The following BLVRA variants were observed in gnomAD, a reference collection of about 807,000 sequenced individuals.
BLVRA encodes the protein biliverdin reductase A.
A neutral mutation model predicts 32.8 loss-of-function variants in BLVRA; 22 were observed. That is an observed-to-expected ratio of 0.67 (90% CI 0.48 to 0.96). BLVRA has a LOEUF of 0.96. BLVRA is among the 40% of genes least tolerant of loss of function. The pLI, the probability that BLVRA is intolerant of heterozygous loss-of-function variation, is 0.00. For missense variants in BLVRA, 323 were observed against 358.1 expected (o/e 0.90, Z 0.79); for synonymous variants, 119 against 141.3 (o/e 0.84, Z 1.12).
intron 2 of BLVRA, among the ~76,000 whole-genome samples, chr7:43,783,652 A>G (rs1223459731): frequency 1.3e-5 from 2 of 152,142 alleles, no homozygotes; most frequent in African/African-American, 4.8e-5. Context: ...AGGACACATT[A>G]TCTTACAGTT....
chr7:43,761,521 A>G (rs2095742261), intron 1 of BLVRA, among the ~76,000 whole-genome samples: 1 of 152,232 alleles, frequency 6.6e-6, no homozygotes, highest in East Asian at 1.9e-4. Flanking sequence ...TTGGTCAGTT[A>G]CATGGTTCTT....
chr7:43,776,636 G>A (rs1243979491), intron 2 of BLVRA, among the ~76,000 whole-genome samples: 1 of 152,188 alleles, frequency 6.6e-6, no homozygotes, highest in Admixed American at 6.5e-5. Context: ...GGGGTGGAGA[G>A]TTCTGTAGAT....
At chr7:43,805,835 G>A (rs1237382976) in intron 7 of BLVRA, among the ~76,000 whole-genome samples, 1 of 152,004 alleles carries the variant, frequency 6.6e-6, no homozygotes, top group Non-Finnish European at 1.5e-5. Flanking sequence ...GGGCTCAAGC[G>A]ATCCACCCAC....
At chr7:43,794,431 T>C (rs748232025) in intron 5 of BLVRA, among the ~76,000 whole-genome samples, 9 of 152,098 alleles carry the variant, frequency 5.9e-5, no homozygotes, top group Non-Finnish European at 1.3e-4. Context: ...AGTATTGTAA[T>C]GTTGACATAT....
chr7:43,783,394 C>T (rs781226536), intron 2 of BLVRA, among the ~76,000 whole-genome samples: 10 of 152,188 alleles, frequency 6.6e-5, no homozygotes, highest in Non-Finnish European at 1.2e-4. Flanking sequence ...GACTGTAGCA[C>T]ACAGTGCACA....
chr7:43,792,626 T>G, intron 4 of BLVRA, 89 bp from the exon 5 acceptor site: 1 of 1,292,038 alleles, frequency 7.7e-7, no homozygotes. Context: ...CTCTCATGCC[T>G]TTATAACATT....
chr7:43,800,582 A>G lies in BLVRA; in HGVS notation c.460+10A>G, dbSNP rs929047931. 6.2e-7 allele frequency: 1 copy of G among 1,611,046 alleles called. No individual in the cohort carries two copies. Among genetic ancestry groups the G allele is most frequent in the African/African-American group, 1.3e-5 (1 of 74,860 alleles). On this transcript the variant is annotated intron_variant, in intron 6 of 7. Transcript: ENST00000265523. ...TCGCTCCTCTTCACAGGTCAGTGCT[A>G]CGTGGGATCACAGGTCACATGTGAG...
chr7:43,759,626 C>T (rs2095740092), intron 1 of BLVRA, among the ~76,000 whole-genome samples: 1 of 152,174 alleles, frequency 6.6e-6, no homozygotes, highest in African/African-American at 2.4e-5. Flanking sequence ...ATAGGGTTTT[C>T]AGCATGGGAA....
At chr7:43,804,723 C>G (rs1164802256) in intron 7 of BLVRA, among the ~76,000 whole-genome samples, 2 of 152,182 alleles carry the variant, frequency 1.3e-5, no homozygotes, top group African/African-American at 4.8e-5. Flanking sequence ...TTTCTCATAC[C>G]AGGTCTTTTT....
chr7:43,781,109 C>T (rs182031873), intron 2 of BLVRA, among the ~76,000 whole-genome samples: 74 of 151,344 alleles, frequency 4.9e-4, no homozygotes, highest in African/African-American at 1.7e-3. Flanking sequence ...TGCCATTGCA[C>T]TCCAGCCTGG....
chr7:43,773,534 A>C (rs1215925620), intron 2 of BLVRA, among the ~76,000 whole-genome samples: 1 of 152,182 alleles, frequency 6.6e-6, no homozygotes. Flanking sequence ...AATCCAGTCT[A>C]TCATTGATGG....
chr7:43,776,890 T>C (rs2095761716), intron 2 of BLVRA, among the ~76,000 whole-genome samples: 2 of 152,256 alleles, frequency 1.3e-5, no homozygotes, highest in African/African-American at 4.8e-5. Context: ...CCTTTATCAT[T>C]ATGTAATGGC....
chr7:43,795,290 C>T (rs551351025), intron 5 of BLVRA, among the ~76,000 whole-genome samples: 8 of 151,698 alleles, frequency 5.3e-5, no homozygotes, highest in South Asian at 2.1e-4. Flanking sequence ...CTGAGGCGGG[C>T]GAATCACCTG....
rs2095754214 is a variant in BLVRA, at chr7:43,771,136, A to G, written c.-21-2A>G. 6.2e-7 allele frequency: 1 copy of G among 1,614,058 alleles called. No individual in the cohort carries two copies. The highest frequency in any genetic ancestry group is 8.5e-7 in the Non-Finnish European group (1 of 1,179,876). On this transcript the variant is annotated splice_acceptor_variant, in intron 1 of 7. Coordinates refer to ENST00000265523, the MANE Select transcript of BLVRA (RefSeq NM_000712.4). LOFTEE classifies it low-confidence loss of function (5UTR_SPLICE). ...CCTGAACCTCTGCTTTTGTCTTTACAGTGACCGAAGGAAGAGACCAAGATG... is the reference window on the plus strand; with the variant it reads ...CCTGAACCTCTGCTTTTGTCTTTACGGTGACCGAAGGAAGAGACCAAGATG...
At chr7:43,771,058 T>G in intron 1 of BLVRA, 80 bp from the exon 2 acceptor site, 1 of 1,192,626 alleles carries the variant, frequency 8.4e-7, no homozygotes, top group Non-Finnish European at 1.3e-6. Flanking sequence ...TGGGGGAGCA[T>G]GGGGTGGCAA....
chr7:43,765,580 T>C (rs959482491), intron 1 of BLVRA, among the ~76,000 whole-genome samples: 6 of 152,230 alleles, frequency 3.9e-5, no homozygotes, highest in African/African-American at 1.4e-4. Flanking sequence ...TTGGCTGCTC[T>C]TAGAAAGGCA....
chr7:43,803,599 C>T (rs964119215), intron 6 of BLVRA, 77 bp from the exon 7 acceptor site: 3 of 1,381,544 alleles, frequency 2.2e-6, no homozygotes, highest in Non-Finnish European at 3.0e-6. Flanking sequence ...ACACCCCCGC[C>T]ACCCCCACCC....
intron 1 of BLVRA, among the ~76,000 whole-genome samples, chr7:43,767,845 C>CA (rs34361520): frequency 0.39 from 57,247 of 147,746 alleles, 10,781 homozygotes; most frequent in South Asian, 0.53. Context: ...ATGTTAATTA[C>CA]AAAAAAAAAA....
chr7:43,800,155 C>T (rs1005759189), intron 5 of BLVRA, among the ~76,000 whole-genome samples: 1 of 152,080 alleles, frequency 6.6e-6, no homozygotes, highest in African/African-American at 2.4e-5. Context: ...GGGGTTTCAC[C>T]ATGTTGGCCA....
Sources: gnomAD v4.1 joint callset for allele counts (sites outside exome capture counted in the v4.1 genomes callset) on GRCh38, gnomAD v4.1.1 for gene constraint, MANE v1.5 for transcripts, NCBI Gene and HGNC (gene_info 2026-07-23, HGNC 2026-07-21) for gene names.